The following DAB1 variants were observed in gnomAD, a reference collection of about 807,000 sequenced individuals.
DAB1 encodes DAB adaptor protein 1, also known as disabled homolog 1.
DAB1 carries 15 observed loss-of-function variants against 64.6 expected under a neutral mutation model. The ratio of observed to expected loss-of-function variants is 0.23; its 90% CI spans 0.16 to 0.36. The LOEUF (loss-of-function observed/expected upper bound fraction) is 0.36, where lower values mean the gene tolerates loss of function less well. DAB1 is among the 10% of genes least tolerant of loss of function. The probability of loss-of-function intolerance (pLI) is 1.00; values close to 1 mark genes in which losing one functional copy is unlikely to be tolerated. For synonymous variants in DAB1, 235 were observed against 251.9 expected (o/e 0.93, Z 0.64); for missense variants, 596 against 706.7 (o/e 0.84, Z 1.78).
chr1:58,072,535 T>A (rs1381290136), intron 5 of DAB1, among the ~76,000 whole-genome samples: 2 of 152,142 alleles, frequency 1.3e-5, no homozygotes, highest in African/African-American at 4.8e-5. Flanking sequence ...ACCCACAGAG[T>A]TGCTGTGAGA....
chr1:57,696,987 G>C (rs1048139091), intron 6 of DAB1, among the ~76,000 whole-genome samples: 9 of 152,112 alleles, frequency 5.9e-5, no homozygotes, highest in Non-Finnish European at 4.4e-5. Flanking sequence ...CTTACATTTT[G>C]AAGCTCCCAT....
At chr1:57,383,699 T>C (rs1009305902) in intron 1 of DAB1, among the ~76,000 whole-genome samples, 4 of 152,140 alleles carry the variant, frequency 2.6e-5, no homozygotes, top group Middle Eastern at 3.2e-3. Context: ...AAACTGAATA[T>C]CTAGATGCAA....
chr1:56,997,506 A>T lies in DAB1; in HGVS notation c.*638T>A, dbSNP rs1448752561. ...TCCCCAGTTAGATTTCTTCACCCAT[A>T]TCTAAAAAAAGTCAAAAGCAATACA... On this transcript the variant is annotated 3_prime_UTR_variant, in exon 15 of 15. Coordinates refer to ENST00000371236, the MANE Select transcript of DAB1 (RefSeq NM_001365792.1). 1.3e-5 allele frequency: 2 copies of T among 150,682 alleles called. No individual in the cohort carries two copies. The highest frequency in any genetic ancestry group is 3.9e-4 in the East Asian group (2 of 5,070). 9.3% of individuals were successfully genotyped at this position (150,682 alleles called of 1,614,324 possible).
At chr1:58,411,115 T>A (rs554362075) in intron 3 of DAB1, among the ~76,000 whole-genome samples, 34 of 152,326 alleles carry the variant, frequency 2.2e-4, no homozygotes, top group African/African-American at 7.2e-4. Flanking sequence ...GTGATGGGGA[T>A]CTCATTACTC....
intron 4 of DAB1, among the ~76,000 whole-genome samples, chr1:58,225,480 A>G (rs1413458113): frequency 6.6e-6 from 1 of 151,854 alleles, no homozygotes; most frequent in Non-Finnish European, 1.5e-5. Context: ...CCAAAGGATT[A>G]TAAATCATGC....
chr1:57,363,442 C>T (rs1318636506), intron 1 of DAB1, among the ~76,000 whole-genome samples: 1 of 152,160 alleles, frequency 6.6e-6, no homozygotes, highest in Non-Finnish European at 1.5e-5. Flanking sequence ...TCTCCCAGAA[C>T]ACATTTCCAA....
At chr1:57,421,634 C>T (rs1316874523) in intron 1 of DAB1, among the ~76,000 whole-genome samples, 1 of 152,090 alleles carries the variant, frequency 6.6e-6, no homozygotes, top group Non-Finnish European at 1.5e-5. Flanking sequence ...TTTGAACTTC[C>T]TAAACCTTTA....
intron 5 of DAB1, among the ~76,000 whole-genome samples, chr1:58,126,618 C>G (rs1206063242): frequency 6.7e-6 from 1 of 149,408 alleles, no homozygotes; most frequent in East Asian, 2.0e-4. Flanking sequence ...TACCCCCCAC[C>G]CCACAACAGT....
intron 7 of DAB1, among the ~76,000 whole-genome samples, chr1:57,526,569 C>A (rs537804999): frequency 4.3e-4 from 66 of 152,304 alleles, no homozygotes; most frequent in African/African-American, 1.6e-3. Flanking sequence ...ACTTCCAAAG[C>A]ATTATAACTC....
intron 1 of DAB1, among the ~76,000 whole-genome samples, chr1:58,533,039 TCA>T (rs1426892309): frequency 6.6e-6 from 1 of 152,232 alleles, no homozygotes; most frequent in Non-Finnish European, 1.5e-5. Context: ...TTCAGTCACT[TCA>T]CTATGTACCT....
rs555586562 is a variant in DAB1 at position 57,343,691 on chromosome 1, GC to G, written c.-136-52526del. Among the ~76,000 whole-genome samples, 1,221 of 152,306 alleles carry G rather than the reference GC, an allele frequency of 8.0e-3. 20 individuals carry two copies. The highest frequency in any genetic ancestry group is 0.028 in the African/African-American group (1,160 of 41,566). On this transcript the variant is annotated intron_variant, in intron 1 of 14. Coordinates refer to ENST00000371236, the MANE Select transcript of DAB1 (RefSeq NM_001365792.1). Reference sequence around the variant, plus strand: ...TGCCTGGGGCCGGTGGGGCCGGCCGGCCGCTCCAAGTGTGGGGTCCGCGGAG... The same window carrying G: ...TGCCTGGGGCCGGTGGGGCCGGCCGGCGCTCCAAGTGTGGGGTCCGCGGAG...
intron 4 of DAB1, among the ~76,000 whole-genome samples, chr1:58,335,720 C>T (rs988139839): frequency 3.3e-5 from 5 of 152,114 alleles, no homozygotes; most frequent in African/African-American, 4.8e-5. Context: ...GAGGGTAAAG[C>T]TGTCGATTCT....
At chr1:58,234,150 G>A (rs969521687) in intron 4 of DAB1, among the ~76,000 whole-genome samples, 3 of 152,216 alleles carry the variant, frequency 2.0e-5, no homozygotes, top group Non-Finnish European at 4.4e-5. Flanking sequence ...AGATATACCA[G>A]GACTTGAGAC....
At chr1:58,240,664 CAAAG>C (rs1423067695) in intron 4 of DAB1, among the ~76,000 whole-genome samples, 1 of 152,078 alleles carries the variant, frequency 6.6e-6, no homozygotes, top group East Asian at 1.9e-4. Flanking sequence ...TAGTTGTAAA[CAAAG>C]AAAGAAACTA....
At chr1:57,837,013 C>T (rs1357136988) in intron 1 of DAB1, among the ~76,000 whole-genome samples, 1 of 152,146 alleles carries the variant, frequency 6.6e-6, no homozygotes, top group Non-Finnish European at 1.5e-5. Flanking sequence ...TCACTGCTCC[C>T]TTCTAATCCA....
chr1:58,362,142 T>C (rs1227946377), intron 3 of DAB1, among the ~76,000 whole-genome samples: 1 of 152,124 alleles, frequency 6.6e-6, no homozygotes, highest in Non-Finnish European at 1.5e-5. Flanking sequence ...AGTACATACA[T>C]GCTCTCTTCT....
chr1:57,127,114 G>C (rs540254837), intron 4 of DAB1, among the ~76,000 whole-genome samples: 1 of 152,210 alleles, frequency 6.6e-6, no homozygotes, highest in South Asian at 2.1e-4. Context: ...AAAAATAGAA[G>C]CACCTATTAA....
intron 1 of DAB1, among the ~76,000 whole-genome samples, chr1:57,354,912 G>A (rs183383096): frequency 6.6e-6 from 1 of 152,172 alleles, no homozygotes; most frequent in East Asian, 1.9e-4. Context: ...GAAAAGGGGT[G>A]CCATGAGAGA....
intron 8 of DAB1, among the ~76,000 whole-genome samples, chr1:57,063,463 T>C (rs990134500): frequency 1.3e-5 from 2 of 152,238 alleles, no homozygotes; most frequent in Non-Finnish European, 2.9e-5. Flanking sequence ...AAGGTTTTCA[T>C]TGAAGAAAAA....
Sources: gnomAD v4.1 joint callset for allele counts (sites outside exome capture counted in the v4.1 genomes callset) on GRCh38, gnomAD v4.1.1 for gene constraint, MANE v1.5 for transcripts, NCBI Gene and HGNC (gene_info 2026-07-23, HGNC 2026-07-21) for gene names.